C1orf21: variants seen among roughly 807,000 people sequenced by gnomAD.
C1orf21 encodes the protein uncharacterized protein C1orf21.
In C1orf21, 3 loss-of-function variants were observed where a neutral mutation model predicts 18.7. That is an observed-to-expected ratio of 0.16 (90% CI 0.07 to 0.42). C1orf21 has a LOEUF of 0.42. Ranked by LOEUF, C1orf21 falls within the 10% of genes least tolerant of loss-of-function variation. The pLI is 0.99. For synonymous variants in C1orf21, 41 were observed against 46.4 expected (o/e 0.88, Z 0.47); for missense variants, 104 against 143.6 (o/e 0.72, Z 1.41).
chr1:184,491,721 T>TCATCAATGA (rs1657819703), intron 2 of C1orf21, among the ~76,000 whole-genome samples: 1 of 152,186 alleles, frequency 6.6e-6, no homozygotes, highest in African/African-American at 2.4e-5. Flanking sequence ...AGGCTATGAA[T>TCATCAATGA]CATCAATGAC....
intron 3 of C1orf21, among the ~76,000 whole-genome samples, chr1:184,526,318 G>C (rs1443487182): frequency 2.0e-5 from 3 of 152,178 alleles, no homozygotes; most frequent in Admixed American, 6.5e-5. Flanking sequence ...ATCAGAAGCT[G>C]AGGATGTTTG....
intron 2 of C1orf21, among the ~76,000 whole-genome samples, chr1:184,503,337 TA>T (rs1459152844): frequency 6.6e-6 from 1 of 152,024 alleles, no homozygotes; most frequent in Non-Finnish European, 1.5e-5. Flanking sequence ...AGGGAATTGA[TA>T]GTGGTATATG....
In C1orf21 at chr1:184,628,424, T is replaced by C. The variant is rs914441364; in HGVS notation, c.*8868T>C. 6.6e-6 allele frequency: 1 copy of C among 152,166 alleles called. No individual in the cohort carries two copies. The highest frequency in any genetic ancestry group is 2.1e-4 in the South Asian group (1 of 4,824). 9.4% of individuals were successfully genotyped at this position (152,166 alleles called of 1,614,324 possible). On this transcript the variant is annotated 3_prime_UTR_variant, in exon 6 of 6. Coordinates refer to ENST00000235307, the MANE Select transcript of C1orf21 (RefSeq NM_030806.4). ...CTCTCTGAACTCCTGAGGGGGACCT[T>C]GGGCACCTCCTGGTATGTGCACACC... is the stretch of plus-strand genomic sequence containing the variant.
At chr1:184,490,304 T>C (rs1340195929) in intron 2 of C1orf21, among the ~76,000 whole-genome samples, 1 of 152,262 alleles carries the variant, frequency 6.6e-6, no homozygotes, top group Non-Finnish European at 1.5e-5. Context: ...ATGGACATCT[T>C]GACAGAAAAT....
chr1:184,546,007 C>T (rs952863327), intron 3 of C1orf21: 3 of 152,222 alleles, frequency 2.0e-5, no homozygotes, highest in Non-Finnish European at 4.4e-5. Context: ...TTCCTTCTTA[C>T]TATCTGTCAA....
chr1:184,472,090 A>G (rs1571374369), intron 1 of C1orf21, among the ~76,000 whole-genome samples: 1 of 152,158 alleles, frequency 6.6e-6, no homozygotes, highest in East Asian at 1.9e-4. Flanking sequence ...CACTCATTAC[A>G]GTGAAGCCCA....
chr1:184,556,155 G>A (rs1036790502), intron 3 of C1orf21, among the ~76,000 whole-genome samples: 3 of 151,988 alleles, frequency 2.0e-5, no homozygotes, highest in Admixed American at 6.6e-5. Context: ...ATTCTCATGG[G>A]GTTTTATTTG....
At chr1:184,482,976 C>A (rs1355693280) in intron 2 of C1orf21, among the ~76,000 whole-genome samples, 4 of 152,188 alleles carry the variant, frequency 2.6e-5, no homozygotes, top group Admixed American at 6.5e-5. Context: ...ATCTTGACTC[C>A]TAGATTTCAG....
At chr1:184,505,740 G>T (rs777353504) in intron 2 of C1orf21, among the ~76,000 whole-genome samples, 1 of 152,042 alleles carries the variant, frequency 6.6e-6, no homozygotes, top group African/African-American at 2.4e-5. Context: ...TCCAGCCTGG[G>T]CAGTAGAATG....
chr1:184,514,688 T>C (rs2101966775), intron 3 of C1orf21, among the ~76,000 whole-genome samples: 1 of 152,324 alleles, frequency 6.6e-6, no homozygotes, highest in East Asian at 1.9e-4. Context: ...ACAAGACTAG[T>C]TCACTACAGC....
chr1:184,540,847 A>G (rs1050973751), intron 3 of C1orf21, among the ~76,000 whole-genome samples: 8 of 152,218 alleles, frequency 5.3e-5, no homozygotes, highest in African/African-American at 1.9e-4. Flanking sequence ...GTATTGCCAC[A>G]AATAGCGTAA....
chr1:184,616,327 T>C (rs1017540443), intron 5 of C1orf21, among the ~76,000 whole-genome samples: 8 of 152,270 alleles, frequency 5.3e-5, no homozygotes, highest in African/African-American at 1.9e-4. Context: ...CCCTGTGGGC[T>C]TGCGCTTCTC....
intron 3 of C1orf21, among the ~76,000 whole-genome samples, chr1:184,579,096 G>A (rs1465431005): frequency 6.6e-6 from 1 of 150,758 alleles, no homozygotes; most frequent in Non-Finnish European, 1.5e-5. Context: ...GGAGTGCAGT[G>A]GCTCCATCTC....
chr1:184,567,369 AC>A (rs1366719068), intron 3 of C1orf21: 2 of 489,510 alleles, frequency 4.1e-6, no homozygotes, highest in Non-Finnish European at 8.2e-6. Flanking sequence ...CAGTCCACCT[AC>A]CAGCTCTTGT....
intron 3 of C1orf21, among the ~76,000 whole-genome samples, chr1:184,557,621 A>T (rs1658897436): frequency 6.6e-6 from 1 of 152,190 alleles, no homozygotes; most frequent in Non-Finnish European, 1.5e-5. Flanking sequence ...TGGTATATAC[A>T]TACCACATTT....
At chr1:184,483,488 C>T (rs1657685576) in intron 2 of C1orf21, among the ~76,000 whole-genome samples, 1 of 152,176 alleles carries the variant, frequency 6.6e-6, no homozygotes. Context: ...TATTGACTTC[C>T]TTTTCTGCGC....
chr1:184,505,306 AATATATATATATATATATATATAT>A (rs59445875), intron 2 of C1orf21, among the ~76,000 whole-genome samples: 1,481 of 66,826 alleles, frequency 0.022, 76 homozygotes, highest in African/African-American at 0.082. Context: ...TACATAAAGA[AATATATATATATATATATATATAT>A]ATATATATAT....
chr1:184,495,276 A>G (rs1010323111), intron 2 of C1orf21, among the ~76,000 whole-genome samples: 9 of 152,058 alleles, frequency 5.9e-5, no homozygotes, highest in African/African-American at 1.7e-4. Context: ...TCTGAGCTCC[A>G]GTTTCTGATC....
chr1:184,468,090 C>G (rs1180780554), intron 1 of C1orf21, among the ~76,000 whole-genome samples: 3 of 151,944 alleles, frequency 2.0e-5, no homozygotes, highest in Non-Finnish European at 4.4e-5. Flanking sequence ...GTCCTTCCCC[C>G]CAAAAAGAGG....
Sources: allele counts gnomAD v4.1 joint callset (sites outside exome capture counted in the v4.1 genomes callset), GRCh38; gene constraint gnomAD v4.1.1; transcripts MANE v1.5; gene names NCBI Gene and HGNC (gene_info 2026-07-23, HGNC 2026-07-21).